Variants in TMEM132B observed in about 807,000 individuals in gnomAD.
TMEM132B encodes the protein transmembrane protein 132B.
Under a neutral mutation model 90.8 loss-of-function variants are expected in TMEM132B, and 18 were observed. The ratio of observed to expected loss-of-function variants is 0.20; its 90% confidence interval spans 0.14 to 0.29. TMEM132B has a LOEUF of 0.29. Among genes scored for constraint, TMEM132B ranks in the 10% least tolerant of loss-of-function variants. The pLI, the probability that TMEM132B is intolerant of heterozygous loss-of-function variation, is 1.00. For synonymous variants in TMEM132B, 504 were observed against 523.3 expected (o/e 0.96, Z 0.50); for missense variants, 1,096 against 1,326.8 (o/e 0.83, Z 2.70).
At chr12:125,465,467 T>A (rs1881538988) in intron 3 of TMEM132B, among the ~76,000 whole-genome samples, 1 of 152,214 alleles carries the variant, frequency 6.6e-6, no homozygotes, top group African/African-American at 2.4e-5. Context: ...CTACCTGGTA[T>A]CTAGAAATGA....
chr12:125,530,905 G>T (rs913048962), intron 4 of TMEM132B, among the ~76,000 whole-genome samples: 1 of 152,242 alleles, frequency 6.6e-6, no homozygotes, highest in East Asian at 1.9e-4. Flanking sequence ...ATTTTAGGGG[G>T]ACACTAGCTC....
At chr12:125,324,004 G>A (rs957567058) in intron 1 of TMEM132B, among the ~76,000 whole-genome samples, 11 of 152,056 alleles carry the variant, frequency 7.2e-5, no homozygotes, top group African/African-American at 1.9e-4. Flanking sequence ...CCCCCCAACC[G>A]TGAAATTTCC....
rs544741385 is a variant in TMEM132B at position 125,415,351 on chromosome 12, A to G, written c.960-180A>G. 1.1e-4 allele frequency among the ~76,000 whole-genome samples: 16 copies of G among 152,300 alleles called. No homozygotes were observed. The South Asian group carries it at 3.3e-3, about 32-fold the overall frequency. On this transcript the variant is annotated intron_variant, in intron 2 of 8. Transcript: ENST00000682704. The surrounding 1 kb of genome is among the most constrained non-coding windows in gnomAD (Gnocchi z 5.3). Reference sequence around the variant, plus strand: ...CTACTTCCAGGCACTTGTAAAAATTACAAGACACTTAGTTTTTAAAGGAAA... The same window carrying G: ...CTACTTCCAGGCACTTGTAAAAATTGCAAGACACTTAGTTTTTAAAGGAAA...
intron 3 of TMEM132B, among the ~76,000 whole-genome samples, chr12:125,495,583 A>C (rs973600974): frequency 2.0e-5 from 3 of 152,138 alleles, no homozygotes; most frequent in Non-Finnish European, 4.4e-5. Context: ...TCACACATGC[A>C]CCTATGCAAC....
intron 3 of TMEM132B, among the ~76,000 whole-genome samples, chr12:125,430,992 G>A (rs1340518618): frequency 6.6e-6 from 1 of 152,102 alleles, no homozygotes; most frequent in Admixed American, 6.5e-5. Flanking sequence ...GAGGTGGCCG[G>A]CCCCAGTATG....
chr12:125,200,172 G>C (rs1445818407), intron 1 of TMEM132B, among the ~76,000 whole-genome samples: 1 of 152,098 alleles, frequency 6.6e-6, no homozygotes, highest in Non-Finnish European at 1.5e-5. Flanking sequence ...GTGGGGGCTG[G>C]GGACATGTCG....
At chr12:125,338,061 TTG>T (rs1176449364) in intron 1 of TMEM132B, among the ~76,000 whole-genome samples, 1 of 152,264 alleles carries the variant, frequency 6.6e-6, no homozygotes, top group Non-Finnish European at 1.5e-5. Flanking sequence ...CACATTTTAA[TTG>T]TTTTTACTTA....
intron 1 of TMEM132B, among the ~76,000 whole-genome samples, chr12:125,283,686 T>C (rs184643069): frequency 6.6e-6 from 1 of 152,372 alleles, no homozygotes; most frequent in East Asian, 1.9e-4. Context: ...TTCCGGCAGC[T>C]GTCCTGTAAT....
rs115469728 is a variant in TMEM132B at position 125,391,814 on chromosome 12, G to A, written c.960-23717G>A. Among the ~76,000 whole-genome samples, 1,184 of 152,258 alleles carry A rather than the reference G, an allele frequency of 7.8e-3. 24 individuals carry two copies. The highest frequency in any genetic ancestry group is 0.027 in the African/African-American group (1,127 of 41,552). ...AGGTTTCACTCTGTTGCCCAGGCTG[G>A]AGTGCACAGTGACATGATCTCAACT... On this transcript the variant is annotated intron_variant, in intron 2 of 8. Coordinates refer to ENST00000682704, the MANE Select transcript of TMEM132B (RefSeq NM_001366854.1).
At chr12:125,653,402 T>C (rs751953949) in intron 8 of TMEM132B, among the ~76,000 whole-genome samples, 163 bp from the exon 9 acceptor site, 72 of 152,224 alleles carry the variant, frequency 4.7e-4, no homozygotes, top group Non-Finnish European at 7.6e-4. Context: ...ACATTATTGA[T>C]GCCGGTTCAA....
chr12:125,239,075 G>C (rs752212443), intron 1 of TMEM132B, among the ~76,000 whole-genome samples: 7 of 152,164 alleles, frequency 4.6e-5, no homozygotes, highest in African/African-American at 9.7e-5. Flanking sequence ...GCAGAATTGA[G>C]ATGCCTGGTA....
intron 4 of TMEM132B, among the ~76,000 whole-genome samples, chr12:125,545,986 C>G (rs1884079803): frequency 6.6e-6 from 1 of 152,142 alleles, no homozygotes; most frequent in Non-Finnish European, 1.5e-5. Context: ...TAAGGCATAA[C>G]TTATATATAA....
intron 3 of TMEM132B, among the ~76,000 whole-genome samples, chr12:125,431,614 T>C (rs1880512047): frequency 6.6e-6 from 1 of 152,170 alleles, no homozygotes; most frequent in Admixed American, 6.5e-5. Context: ...CTGACTCTAC[T>C]GCTCTGGGCA....
At chr12:125,316,903 G>A (rs1404882562) in intron 1 of TMEM132B, among the ~76,000 whole-genome samples, 1 of 152,150 alleles carries the variant, frequency 6.6e-6, no homozygotes. Flanking sequence ...GATGTGACTC[G>A]CCTAAGGTCC....
intron 5 of TMEM132B, among the ~76,000 whole-genome samples, chr12:125,596,033 A>C (rs998748761): frequency 1.3e-5 from 2 of 152,268 alleles, no homozygotes; most frequent in Admixed American, 6.5e-5. Flanking sequence ...TGAACATGAA[A>C]AGAATGAAAC....
chr12:125,585,063 G>A (rs889259967), intron 5 of TMEM132B: 1 of 152,224 alleles, frequency 6.6e-6, no homozygotes, highest in Non-Finnish European at 1.5e-5. Flanking sequence ...AAAAGGTCTG[G>A]GAGGGGTTGA....
At chr12:125,648,146 A>G (rs1486546405) in intron 6 of TMEM132B, among the ~76,000 whole-genome samples, 9 of 147,960 alleles carry the variant, frequency 6.1e-5, no homozygotes, top group African/African-American at 2.3e-4. Flanking sequence ...GAGTGAGAAT[A>G]TGCGGTGTTC....
chr12:125,360,634 A>G (rs1232211023), intron 2 of TMEM132B, among the ~76,000 whole-genome samples: 2 of 152,144 alleles, frequency 1.3e-5, no homozygotes, highest in Non-Finnish European at 2.9e-5. Context: ...GTATGGCTTA[A>G]GTACCTGAGG....
intron 1 of TMEM132B, among the ~76,000 whole-genome samples, chr12:125,348,965 A>G (rs1227288408): frequency 1.3e-5 from 2 of 152,214 alleles, no homozygotes; most frequent in Non-Finnish European, 2.9e-5. Flanking sequence ...TCTTTTCAAT[A>G]ACAATAGTAG....
Sources: gnomAD v4.1 joint callset for allele counts (sites outside exome capture counted in the v4.1 genomes callset) on GRCh38, gnomAD v4.1.1 for gene constraint, Gnocchi (gnomAD v3.1) non-coding constraint, MANE v1.5 for transcripts, NCBI Gene and HGNC (gene_info 2026-07-23, HGNC 2026-07-21) for gene names.